GALNTL6: variants seen among roughly 807,000 people sequenced by gnomAD.
GALNTL6 encodes the protein polypeptide N-acetylgalactosaminyltransferase like 6, also known as polypeptide N-acetylgalactosaminyltransferase-like 6.
GALNTL6 carries 46 observed loss-of-function variants against 73.7 expected under a neutral mutation model. The ratio of observed to expected loss-of-function variants is 0.62; its 90% CI spans 0.49 to 0.80. The LOEUF (loss-of-function observed/expected upper bound fraction) is 0.80, where lower values mean the gene tolerates loss of function less well. Ranked by LOEUF, GALNTL6 falls within the 30% of genes least tolerant of loss-of-function variation. The pLI, the probability that GALNTL6 is intolerant of heterozygous loss-of-function variation, is 0.00. For synonymous variants in GALNTL6, 259 were observed against 263.7 expected, an observed-to-expected ratio of 0.98 and a Z score of 0.17; for missense variants, 604 against 755.0, an observed-to-expected ratio of 0.80 and a Z score of 2.34.
At chr4:172,274,031 G>A (rs954081659) in intron 3 of GALNTL6, among the ~76,000 whole-genome samples, 2 of 152,092 alleles carry the variant, frequency 1.3e-5, no homozygotes, top group African/African-American at 4.8e-5. Context: ...TGACCTGAAC[G>A]TATATGAACC....
chr4:172,996,669 G>C (rs999627709), intron 10 of GALNTL6, among the ~76,000 whole-genome samples: 2 of 152,136 alleles, frequency 1.3e-5, no homozygotes, highest in African/African-American at 4.8e-5. Context: ...AGCTAGCAAA[G>C]CTTTCTAATC....
intron 5 of GALNTL6, among the ~76,000 whole-genome samples, chr4:172,640,851 A>G (rs544908123): frequency 1.3e-5 from 2 of 152,138 alleles, no homozygotes; most frequent in South Asian, 4.1e-4. Context: ...ACAATTCCAA[A>G]TTTTATACTG....
At chr4:172,490,498 A>T (rs549249893) in intron 5 of GALNTL6, among the ~76,000 whole-genome samples, 24 of 152,192 alleles carry the variant, frequency 1.6e-4, no homozygotes, top group Non-Finnish European at 3.1e-4. Flanking sequence ...CATATTACAT[A>T]TTAGTTTCTA....
chr4:172,910,216 T>C (rs1248778198), intron 8 of GALNTL6, among the ~76,000 whole-genome samples: 1 of 152,180 alleles, frequency 6.6e-6, no homozygotes. Context: ...AAGCCTATTA[T>C]GTGAAAATGA....
At chr4:172,859,424 G>A (rs1458665396) in intron 7 of GALNTL6, among the ~76,000 whole-genome samples, 1 of 152,078 alleles carries the variant, frequency 6.6e-6, no homozygotes, top group Non-Finnish European at 1.5e-5. Flanking sequence ...TTCAGTATAA[G>A]AAGCCCATAG....
intron 5 of GALNTL6, among the ~76,000 whole-genome samples, chr4:172,585,187 T>C (rs987342248): frequency 5.9e-5 from 9 of 152,156 alleles, no homozygotes; most frequent in Admixed American, 2.6e-4. Flanking sequence ...AAATGTATTA[T>C]CTGTTTTATA....
chr4:172,586,682 C>T (rs1737423383), intron 5 of GALNTL6, among the ~76,000 whole-genome samples: 2 of 152,088 alleles, frequency 1.3e-5, no homozygotes, highest in South Asian at 4.1e-4. Flanking sequence ...AAATTCTTGG[C>T]TTAGACAAGA....
chr4:172,076,629 C>A (rs1731710974), intron 2 of GALNTL6, among the ~76,000 whole-genome samples: 1 of 152,070 alleles, frequency 6.6e-6, no homozygotes, highest in Non-Finnish European at 1.5e-5. Context: ...TTTTTATAAA[C>A]CAGTCTACAA....
intron 5 of GALNTL6, among the ~76,000 whole-genome samples, chr4:172,744,010 C>T (rs1380370452): frequency 6.6e-6 from 1 of 151,878 alleles, no homozygotes; most frequent in Non-Finnish European, 1.5e-5. Flanking sequence ...GAATTATTAC[C>T]CTCCTCTAGA....
chr4:172,012,381 T>C (rs961550590), intron 2 of GALNTL6, among the ~76,000 whole-genome samples: 1 of 151,058 alleles, frequency 6.6e-6, no homozygotes, highest in Non-Finnish European at 1.5e-5. Flanking sequence ...TGTCTCAAAG[T>C]AGTGTTTTCC....
chr4:171,973,480 T>C (rs1739629742), intron 2 of GALNTL6, among the ~76,000 whole-genome samples: 1 of 152,244 alleles, frequency 6.6e-6, no homozygotes, highest in Non-Finnish European at 1.5e-5. Flanking sequence ...ATCAGGTCAA[T>C]TTCTGTCACG....
chr4:172,275,695 C>T (rs546396015), intron 3 of GALNTL6, among the ~76,000 whole-genome samples: 37 of 152,246 alleles, frequency 2.4e-4, no homozygotes, highest in African/African-American at 8.2e-4. Flanking sequence ...CAGTGGCTCA[C>T]GCCTGTAATC....
chr4:171,969,466 T>C (rs559208759), intron 2 of GALNTL6, among the ~76,000 whole-genome samples: 3 of 152,250 alleles, frequency 2.0e-5, no homozygotes, highest in Non-Finnish European at 4.4e-5. Flanking sequence ...TAGTTAGTTG[T>C]AGGTGTCCTT....
At chr4:172,464,510 C>A (rs1352044932) in intron 5 of GALNTL6, among the ~76,000 whole-genome samples, 1 of 151,976 alleles carries the variant, frequency 6.6e-6, no homozygotes, top group African/African-American at 2.4e-5. Context: ...GAGTTCAAGA[C>A]CAGCCTGGCC....
chr4:171,876,289 T>G (rs1399561807), intron 2 of GALNTL6, among the ~76,000 whole-genome samples: 1 of 152,206 alleles, frequency 6.6e-6, no homozygotes, highest in Non-Finnish European at 1.5e-5. Flanking sequence ...TACCAATTCT[T>G]AATTAACGAC....
intron 3 of GALNTL6, among the ~76,000 whole-genome samples, chr4:172,310,798 T>G (rs1740327271): frequency 6.6e-6 from 1 of 151,458 alleles, no homozygotes; most frequent in African/African-American, 2.4e-5. Context: ...AAACGAGAAA[T>G]TATAAAAGAA....
At chr4:172,009,388 T>C (rs774044339) in intron 2 of GALNTL6, among the ~76,000 whole-genome samples, 1 of 152,088 alleles carries the variant, frequency 6.6e-6, no homozygotes, top group Non-Finnish European at 1.5e-5. Context: ...AGTCCTGGAA[T>C]ACAATTTAGG....
At chr4:173,031,634 G>A (rs570705101) in intron 12 of GALNTL6, among the ~76,000 whole-genome samples, 1 of 152,298 alleles carries the variant, frequency 6.6e-6, no homozygotes, top group Admixed American at 6.5e-5. Flanking sequence ...AAAAAAGAGA[G>A]AGAGAGAGAA....
chr4:172,072,826 C>A (rs1731583840), intron 2 of GALNTL6, among the ~76,000 whole-genome samples: 1 of 152,144 alleles, frequency 6.6e-6, no homozygotes, highest in African/African-American at 2.4e-5. Context: ...ACCTGCCTTT[C>A]TTTGTTCTTT....
Sources: allele counts gnomAD v4.1 joint callset (sites outside exome capture counted in the v4.1 genomes callset), GRCh38; gene constraint gnomAD v4.1.1; transcripts MANE v1.5; gene names NCBI Gene and HGNC (gene_info 2026-07-23, HGNC 2026-07-21).